The following ADGRL3 variants were observed in gnomAD, a reference collection of about 807,000 sequenced individuals.
ADGRL3 encodes adhesion G protein-coupled receptor L3.
In ADGRL3, 62 loss-of-function variants were observed where a neutral mutation model predicts 153.5. That is an observed-to-expected ratio of 0.40 (90% CI 0.33 to 0.50). ADGRL3 has a LOEUF of 0.50. Ranked by LOEUF, ADGRL3 falls within the 20% of genes least tolerant of loss-of-function variation. The pLI, the probability that ADGRL3 is intolerant of heterozygous loss-of-function variation, is 0.47. For synonymous variants in ADGRL3, 710 were observed against 672.5 expected (o/e 1.06, Z -0.86); for missense variants, 1,641 against 1,859.4 (o/e 0.88, Z 2.16).
chr4:61,854,211 G>A (rs1022937172), intron 9 of ADGRL3, among the ~76,000 whole-genome samples: 23 of 152,102 alleles, frequency 1.5e-4, no homozygotes, highest in South Asian at 4.1e-4. Context: ...TTCCTCCCTC[G>A]CAGAATTGAA....
intron 6 of ADGRL3, among the ~76,000 whole-genome samples, chr4:61,705,405 A>C (rs766156250): frequency 3.3e-5 from 5 of 149,392 alleles, no homozygotes; most frequent in Non-Finnish European, 7.4e-5. Flanking sequence ...TATTATTTAT[A>C]TATATTAGAT....
intron 6 of ADGRL3, among the ~76,000 whole-genome samples, chr4:61,694,315 G>C (rs2095602140): frequency 6.8e-6 from 1 of 147,530 alleles, no homozygotes; most frequent in African/African-American, 2.5e-5. Context: ...GGGATTACAT[G>C]CTCCTGGCCC....
chr4:61,781,064 C>T (rs1295602071), intron 8 of ADGRL3, among the ~76,000 whole-genome samples: 5 of 152,230 alleles, frequency 3.3e-5, no homozygotes, highest in African/African-American at 7.2e-5. Context: ...TGGTGGCTCA[C>T]GCCTGTAATC....
At chr4:61,337,224 C>A (rs2095697569) in intron 1 of ADGRL3, among the ~76,000 whole-genome samples, 1 of 152,116 alleles carries the variant, frequency 6.6e-6, no homozygotes, top group African/African-American at 2.4e-5. Flanking sequence ...ACCCCTGACC[C>A]CTTTGTGGGT....
At chr4:61,964,279 G>A (rs1581659740) in intron 17 of ADGRL3, among the ~76,000 whole-genome samples, 1 of 152,038 alleles carries the variant, frequency 6.6e-6, no homozygotes, top group Admixed American at 6.6e-5. Context: ...TATAAGAATC[G>A]TATTGAGAAT....
At chr4:61,536,357 C>A (rs11734084) in intron 4 of ADGRL3, among the ~76,000 whole-genome samples, 32,350 of 151,936 alleles carry the variant, frequency 0.21, 3,669 homozygotes, top group Admixed American at 0.3. Flanking sequence ...GTATATTCTA[C>A]ATTTGTTGGG....
At chr4:61,763,689 A>G (rs1426175274) in intron 8 of ADGRL3, among the ~76,000 whole-genome samples, 2 of 152,198 alleles carry the variant, frequency 1.3e-5, no homozygotes, top group Non-Finnish European at 2.9e-5. Flanking sequence ...ATGTTCAGTA[A>G]TGAATGTTTC....
chr4:62,070,127 C>T lies in ADGRL3; in HGVS notation c.3851C>T (p.Ala1284Val), dbSNP rs1577769101. The change falls in exon 27 of 27, where the codon GCC (alanine) becomes GTC (valine). Residue 1284 changes from alanine (A) to valine (V), a missense_variant. By Grantham distance (64) the Ala-to-Val change is moderately conservative. This residue lies in a region of ADGRL3 where 517 missense variants were observed against 555.0 expected (regional missense o/e 0.93). Transcript: ENST00000683033. ...TTTTCAGAGGGGCTTCTGAACAATG[C>T]CAGGGATACAAGTGTCATGGATACT... ...YRETKGLLNN[A>V]RDTSVMDTLP... 5.0e-6 allele frequency: 8 copies of T among 1,613,328 alleles called. No individual in the cohort carries two copies. Among genetic ancestry groups the T allele is most frequent in the South Asian group, 1.1e-5 (1 of 91,056 alleles).
At chr4:61,829,593 C>G (rs1256046750) in intron 9 of ADGRL3, among the ~76,000 whole-genome samples, 2 of 152,148 alleles carry the variant, frequency 1.3e-5, no homozygotes, top group East Asian at 1.9e-4. Flanking sequence ...AATAGAACTT[C>G]TCCCTAGAGA....
At chr4:61,935,145 T>C (rs1428223756) in intron 14 of ADGRL3, 122 bp downstream of exon 14, 1 of 778,006 alleles carries the variant, frequency 1.3e-6, no homozygotes, top group East Asian at 2.7e-5. Flanking sequence ...GAAAAGTCAT[T>C]CTTTTTCTAA....
intron 4 of ADGRL3, among the ~76,000 whole-genome samples, chr4:61,575,227 A>C (rs1330774828): frequency 1.3e-5 from 2 of 151,998 alleles, no homozygotes; most frequent in Non-Finnish European, 2.9e-5. Context: ...TCTGTTTTTA[A>C]TAATATGTTT....
chr4:61,455,666 G>A (rs1452072130), intron 2 of ADGRL3, among the ~76,000 whole-genome samples: 12 of 151,926 alleles, frequency 7.9e-5, no homozygotes, highest in Non-Finnish European at 2.9e-5. Context: ...TATTCTGATA[G>A]TGGGAAGTAG....
chr4:61,354,574 C>CTGTGTGTG lies in ADGRL3; in HGVS notation c.-239-28531_-239-28524dup, dbSNP rs58238791. Among the ~76,000 whole-genome samples the CTGTGTGTG allele has an allele frequency of 3.7e-3, 545 of 148,386 alleles. 3 individuals carry two copies. The highest frequency in any genetic ancestry group is 0.017 in the South Asian group (78 of 4,650). On this transcript the variant is annotated intron_variant, in intron 1 of 26. Coordinates refer to ENST00000683033, the MANE Select transcript of ADGRL3 (RefSeq NM_001387552.1). ...TTACTCATAGATGATAAGACTTTGT[C>CTGTGTGTG]TGTGTGTGTGTGTGTGTGTGTGTGT...
intron 9 of ADGRL3, among the ~76,000 whole-genome samples, chr4:61,880,565 A>G (rs988482041): frequency 3.3e-5 from 5 of 152,184 alleles, no homozygotes; most frequent in African/African-American, 1.2e-4. Flanking sequence ...CTCACCCATT[A>G]TGCATCTATT....
intron 1 of ADGRL3, among the ~76,000 whole-genome samples, chr4:61,222,591 C>CA (rs201469144): frequency 0.013 from 1,909 of 151,458 alleles, 23 homozygotes; most frequent in Middle Eastern, 0.062. Flanking sequence ...GGCATAAGGC[C>CA]AAAAAAAATG....
intron 2 of ADGRL3, among the ~76,000 whole-genome samples, chr4:61,432,059 T>C (rs1054030667): frequency 6.6e-6 from 1 of 152,192 alleles, no homozygotes; most frequent in Non-Finnish European, 1.5e-5. Flanking sequence ...CCTTGCTTGG[T>C]ATATGTAATC....
chr4:61,726,430 C>A (rs961794056), intron 6 of ADGRL3, among the ~76,000 whole-genome samples: 1 of 151,872 alleles, frequency 6.6e-6, no homozygotes, highest in African/African-American at 2.4e-5. Context: ...AACTCCCGAA[C>A]TCAGGTGATC....
chr4:61,656,420 G>T (rs2094444882), intron 5 of ADGRL3, among the ~76,000 whole-genome samples: 1 of 151,954 alleles, frequency 6.6e-6, no homozygotes, highest in African/African-American at 2.4e-5. Flanking sequence ...ATTGTTGCAT[G>T]CAATGGCCTC....
chr4:61,365,087 T>C (rs886759484), intron 1 of ADGRL3, among the ~76,000 whole-genome samples: 1 of 152,138 alleles, frequency 6.6e-6, no homozygotes, highest in African/African-American at 2.4e-5. Context: ...GTTAATATCA[T>C]TATGCCCAAG....
Sources: gnomAD v4.1 joint callset for allele counts (sites outside exome capture counted in the v4.1 genomes callset) on GRCh38, gnomAD v4.1.1 for gene constraint, gnomAD v4.1.1 regional missense constraint, MANE v1.5 for transcripts, NCBI Gene and HGNC (gene_info 2026-07-23, HGNC 2026-07-21) for gene names.